Variants in AUTS2 observed in about 807,000 individuals in gnomAD.
AUTS2 encodes activator of transcription and developmental regulator AUTS2.
In AUTS2, 17 loss-of-function variants were observed where a neutral mutation model predicts 112.4. The ratio of observed to expected loss-of-function variants is 0.15; its 90% CI spans 0.10 to 0.23. The LOEUF (loss-of-function observed/expected upper bound fraction) is 0.23, where lower values mean the gene tolerates loss of function less well. AUTS2 is among the 10% of genes least tolerant of loss of function. The pLI is 1.00. For missense variants in AUTS2, 1,510 were observed against 1,701.6 expected, an observed-to-expected ratio of 0.89 and a Z score of 1.98; for synonymous variants, 751 against 702.7, an observed-to-expected ratio of 1.07 and a Z score of -1.09.
At chr7:70,225,499 C>A (rs892036593) in intron 4 of AUTS2, among the ~76,000 whole-genome samples, 2 of 152,126 alleles carry the variant, frequency 1.3e-5, no homozygotes, top group Non-Finnish European at 2.9e-5. Flanking sequence ...AAGTTGTAAT[C>A]CATTCTGGTG....
At chr7:69,675,802 C>T (rs758981023) in intron 1 of AUTS2, among the ~76,000 whole-genome samples, 7 of 152,008 alleles carry the variant, frequency 4.6e-5, no homozygotes, top group Non-Finnish European at 7.4e-5. Context: ...CCACTGTGTC[C>T]GGCCTTGGCT....
chr7:70,555,524 A>G (rs150294284), intron 5 of AUTS2, among the ~76,000 whole-genome samples: 5 of 152,006 alleles, frequency 3.3e-5, no homozygotes, highest in African/African-American at 1.2e-4. Flanking sequence ...TGGGACCCTC[A>G]TATTCTTGGA....
At chr7:70,495,445 C>T (rs181347365) in intron 5 of AUTS2, among the ~76,000 whole-genome samples, 11 of 152,098 alleles carry the variant, frequency 7.2e-5, no homozygotes, top group Admixed American at 7.2e-4. Context: ...CCCCAGTAAA[C>T]AGTTGCTTAC....
intron 4 of AUTS2, among the ~76,000 whole-genome samples, chr7:70,185,544 A>G (rs138500710): frequency 6.6e-6 from 1 of 152,310 alleles, no homozygotes; most frequent in East Asian, 1.9e-4. Context: ...CTAAAGGTTG[A>G]ATACATTTAT....
intron 2 of AUTS2, among the ~76,000 whole-genome samples, chr7:69,926,572 A>G (rs1171584517): frequency 6.6e-6 from 1 of 151,658 alleles, no homozygotes; most frequent in African/African-American, 2.4e-5. Flanking sequence ...TTTTCCATTC[A>G]AATGTTAGGT....
At chr7:70,616,853 G>A (rs965913733) in intron 5 of AUTS2, among the ~76,000 whole-genome samples, 2 of 149,892 alleles carry the variant, frequency 1.3e-5, no homozygotes, top group African/African-American at 2.5e-5. Context: ...GATGGAACAC[G>A]GTCCCAGAGG....
chr7:70,095,276 G>A (rs762845201), intron 2 of AUTS2, among the ~76,000 whole-genome samples: 4 of 152,038 alleles, frequency 2.6e-5, no homozygotes, highest in Non-Finnish European at 4.4e-5. Context: ...GTGTGTGTGC[G>A]TGCGTGCGCT....
intron 2 of AUTS2, among the ~76,000 whole-genome samples, chr7:70,063,641 C>T (rs1802358528): frequency 1.3e-5 from 2 of 152,156 alleles, no homozygotes; most frequent in African/African-American, 4.8e-5. Flanking sequence ...AGATGTCTAA[C>T]ACAGCAGTGG....
At chr7:70,186,943 A>T (rs1809636329) in intron 4 of AUTS2, among the ~76,000 whole-genome samples, 1 of 152,200 alleles carries the variant, frequency 6.6e-6, no homozygotes, top group African/African-American at 2.4e-5. Flanking sequence ...CCTATTTTTT[A>T]GATAAGGAAA....
chr7:70,411,920 C>CTTTT (rs545022866), intron 4 of AUTS2, among the ~76,000 whole-genome samples: 4 of 130,904 alleles, frequency 3.1e-5, no homozygotes, highest in Non-Finnish European at 4.9e-5. Flanking sequence ...TTCCTTTTTT[C>CTTTT]TTTTTTTTTT....
At chr7:69,903,838 G>A (rs1401267674) in intron 2 of AUTS2, among the ~76,000 whole-genome samples, 1 of 152,186 alleles carries the variant, frequency 6.6e-6, no homozygotes, top group African/African-American at 2.4e-5. Flanking sequence ...GATGGCTTAT[G>A]TGGGAATGTC....
At chr7:70,396,542 A>G (rs1794093412) in intron 4 of AUTS2, among the ~76,000 whole-genome samples, 1 of 151,938 alleles carries the variant, frequency 6.6e-6, no homozygotes, top group Non-Finnish European at 1.5e-5. Flanking sequence ...ACACCCGGCT[A>G]ATGTTTGTAT....
At chr7:70,704,609 G>A (rs1259537041) in intron 6 of AUTS2, among the ~76,000 whole-genome samples, 1 of 152,204 alleles carries the variant, frequency 6.6e-6, no homozygotes, top group Non-Finnish European at 1.5e-5. Flanking sequence ...GTCTCAGAAA[G>A]TAATATGCAT....
intron 2 of AUTS2, among the ~76,000 whole-genome samples, chr7:70,008,625 G>T (rs1799652344): frequency 6.6e-6 from 1 of 152,128 alleles, no homozygotes; most frequent in Non-Finnish European, 1.5e-5. Context: ...CCAAACCTCA[G>T]TATAACCTCA....
intron 4 of AUTS2, among the ~76,000 whole-genome samples, chr7:70,318,467 A>G (rs1790102541): frequency 6.6e-6 from 1 of 152,206 alleles, no homozygotes; most frequent in South Asian, 2.1e-4. Flanking sequence ...CGATAACCTT[A>G]AGAACCTACA....
chr7:70,456,396 A>G (rs928968048), intron 5 of AUTS2, among the ~76,000 whole-genome samples: 2 of 152,260 alleles, frequency 1.3e-5, no homozygotes, highest in African/African-American at 2.4e-5. Context: ...CCAAATGAAC[A>G]TGTTTGCTCT....
chr7:70,759,385 C>T (rs1789416270), intron 6 of AUTS2, among the ~76,000 whole-genome samples: 9 of 152,212 alleles, frequency 5.9e-5, no homozygotes. Flanking sequence ...CATCAGCAGC[C>T]TCAGCCTTAC....
intron 2 of AUTS2, among the ~76,000 whole-genome samples, chr7:70,062,672 C>T (rs1238703729): frequency 6.6e-6 from 1 of 152,138 alleles, no homozygotes; most frequent in Non-Finnish European, 1.5e-5. Context: ...TCTCATGTTA[C>T]GCATGTTTCT....
At chr7:70,368,535 T>C (rs1447861788) in intron 4 of AUTS2, among the ~76,000 whole-genome samples, 1 of 152,216 alleles carries the variant, frequency 6.6e-6, no homozygotes, top group African/African-American at 2.4e-5. Context: ...TCTAAGTCTG[T>C]TAATGCAACA....
Sources: gnomAD v4.1 joint callset for allele counts (sites outside exome capture counted in the v4.1 genomes callset) on GRCh38, gnomAD v4.1.1 for gene constraint, MANE v1.5 for transcripts, NCBI Gene and HGNC (gene_info 2026-07-23, HGNC 2026-07-21) for gene names.